CNNM4: variants seen among roughly 807,000 people sequenced by gnomAD.
CNNM4 encodes metal transporter CNNM4.
In CNNM4, 32 loss-of-function variants were observed where a neutral mutation model predicts 53.7. The observed-to-expected ratio is 0.60, with a 90% CI of 0.45 to 0.80. The LOEUF (loss-of-function observed/expected upper bound fraction) is 0.80, where lower values mean the gene tolerates loss of function less well. Among genes scored for constraint, CNNM4 ranks in the 30% least tolerant of loss-of-function variants. The pLI, the probability that CNNM4 is intolerant of heterozygous loss-of-function variation, is 0.00. For synonymous variants in CNNM4, 410 were observed against 440.0 expected, an observed-to-expected ratio of 0.93 and a Z score of 0.85; for missense variants, 784 against 1,022.0, an observed-to-expected ratio of 0.77 and a Z score of 3.17.
In CNNM4 at chr2:96,762,226, G is replaced by A. The variant is rs1332987185; in HGVS notation, c.1227G>A (p.Pro409=). The change falls in exon 1 of 7, where the codon CCG becomes CCA. Residue 409 remains proline, a synonymous_variant. Coordinates refer to ENST00000377075, the MANE Select transcript of CNNM4 (RefSeq NM_020184.4). ...EIMESGYTRI[P]VFEDEQSNIV... ...TGGAAAGCGGCTATACTCGCATCCC[G>A]GTGTTCGAAGACGAGCAGTCCAATA... The A allele has an allele frequency of 3.1e-6, 5 of 1,613,994 alleles. No homozygotes were observed. The African/African-American group carries it at 5.3e-5, about 17-fold the overall frequency.
rs1274333673 is a variant in CNNM4, at chr2:96,797,110, G to A, written c.1501G>A (p.Glu501Lys). 5 of 1,614,076 alleles carry A rather than the reference G, an allele frequency of 3.1e-6. No homozygotes were observed. The highest frequency in any genetic ancestry group is 2.2e-5 in the East Asian group (1 of 44,892). Residue 501 changes from glutamate to lysine, a missense_variant, in exon 2 of 7, where the codon GAG (glutamate) becomes AAG (lysine). By Grantham distance (56) the Glu-to-Lys change is moderately conservative (BLOSUM62 1). Coordinates refer to ENST00000377075, the MANE Select transcript of CNNM4 (RefSeq NM_020184.4). This position sits in a 1 kb window ranked among gnomAD's most constrained non-coding sequence, Gnocchi z 6.0. ...LGLVTLEDVI[E>K]EIIKSEILDE... ...CCTGGTCACCCTGGAGGACGTGATCGAGGAGATCATCAAGTCGGAGATCCT... is the reference window on the plus strand; with the variant it reads ...CCTGGTCACCCTGGAGGACGTGATCAAGGAGATCATCAAGTCGGAGATCCT...
Position 96,787,003 on chromosome 2 carries a change from T to C in CNNM4, c.1403-10009T>C, listed in dbSNP as rs116496046. ...CAGCAGTCCTTCCTACTCTACTGTT[T>C]TGGAACTTTTTACTTTACACAAATA... On this transcript the variant is annotated intron_variant, in intron 1 of 6. Coordinates refer to ENST00000377075, the MANE Select transcript of CNNM4 (RefSeq NM_020184.4). Among the ~76,000 whole-genome samples, 356 of 152,310 alleles carry C rather than the reference T, an allele frequency of 2.3e-3. 2 individuals carry two copies. The highest frequency in any genetic ancestry group is 8.2e-3 in the African/African-American group (339 of 41,568).
intron 3 of CNNM4, among the ~76,000 whole-genome samples, chr2:96,798,509 T>G (rs2079126446): frequency 6.6e-6 from 1 of 152,186 alleles, no homozygotes; most frequent in Non-Finnish European, 1.5e-5. Flanking sequence ...AAAGCTCCAC[T>G]GGGGACTTGG....
At chr2:96,805,843 ACTT>A (rs1028447059) in intron 5 of CNNM4, among the ~76,000 whole-genome samples, 4 of 150,310 alleles carry the variant, frequency 2.7e-5, no homozygotes, top group Non-Finnish European at 4.4e-5. Flanking sequence ...TCCCATGTCT[ACTT>A]CTTTCCACAC....
Position 96,809,327 on chromosome 2 carries a change from G to T in CNNM4, c.2138G>T (p.Arg713Leu). The change falls in exon 7 of 7, where the codon CGG becomes CTG. Residue 713 changes from arginine (R) to leucine (L), a missense_variant. Arg to Leu is a moderately radical substitution (Grantham distance 102). Transcript: ENST00000377075. The stretch of plus-strand genomic sequence containing the variant: ...CATCCCTTCCTCATGCAGATCACTC[G>T]GCAGCAGTACCAGAACGGGCTGCTG... ...LVDLQYIKIT[R>L]QQYQNGLLAS... is the part of the protein sequence containing the mutation. 2 of 1,614,016 alleles carry T rather than the reference G, an allele frequency of 1.2e-6. No individual in the cohort carries two copies. Among genetic ancestry groups the T allele is most frequent in the Non-Finnish European group, 8.5e-7 (1 of 1,180,000 alleles).
chr2:96,799,685 C>T (rs1278262903), intron 5 of CNNM4, 37 bp downstream of exon 5: 2 of 1,466,196 alleles, frequency 1.4e-6, no homozygotes, highest in African/African-American at 1.4e-5. Flanking sequence ...GCCCTTTGGC[C>T]CCCCTGCAGC....
chr2:96,791,349 C>T (rs924866360), intron 1 of CNNM4, among the ~76,000 whole-genome samples: 3 of 151,332 alleles, frequency 2.0e-5, no homozygotes, highest in Non-Finnish European at 4.4e-5. Context: ...GGGGTGGCAT[C>T]GGCTGGGTAC....
In CNNM4 at chr2:96,761,633, A is replaced by G; in HGVS notation, c.634A>G (p.Met212Val). 1 of 1,613,676 alleles carries G rather than the reference A, an allele frequency of 6.2e-7. No individual in the cohort carries two copies. The highest frequency in any genetic ancestry group is 8.5e-7 in the Non-Finnish European group (1 of 1,179,978). ...CCTCGGGCTTATGGCCCTGGACCCC[A>G]TGGAGCTGCGCATCGTGCAGAACTG... The part of the protein sequence containing the change: ...LNLGLMALDP[M>V]ELRIVQNCGT... Residue 212 changes from methionine (M) to valine (V), a missense_variant, in exon 1 of 7, where the codon ATG (methionine) becomes GTG (valine). Physicochemically the swap from Met to Val is conservative, Grantham distance 21. Around this residue, in one of 3 missense-constraint regions of CNNM4, gnomAD observed 473 missense variants for 624.6 expected, o/e 0.76. Coordinates refer to ENST00000377075, the MANE Select transcript of CNNM4 (RefSeq NM_020184.4). This position sits in a 1 kb window ranked among gnomAD's most constrained non-coding sequence, Gnocchi z 6.0.
chr2:96,780,529 G>T (rs1237889337), intron 1 of CNNM4, among the ~76,000 whole-genome samples: 1 of 151,756 alleles, frequency 6.6e-6, no homozygotes, highest in East Asian at 1.9e-4. Context: ...CAAATTGCTG[G>T]GATTACAGGC....
At position 96,808,830 on chromosome 2, in the gene CNNM4, G is replaced by C; in HGVS notation, c.2130+88G>C. ...TCATCCACCAAACCCAGCATGGTGGGCCCAAACCCGAGATGCCTTTTTCTT... is the reference window on the plus strand; with the variant it reads ...TCATCCACCAAACCCAGCATGGTGGCCCCAAACCCGAGATGCCTTTTTCTT... On this transcript the variant is annotated intron_variant, in intron 6 of 6. Transcript: ENST00000377075. The surrounding 1 kb of genome is among the most constrained non-coding windows in gnomAD (Gnocchi z 4.9). 7.4e-7 allele frequency: 1 copy of C among 1,348,474 alleles called. No individual in the cohort carries two copies. The highest frequency in any genetic ancestry group is 1.4e-5 in the African/African-American group (1 of 69,858). The allele number at this position is 1,348,474 out of a possible 1,614,324, so 83.5% of individuals were successfully genotyped here. A position where few individuals can be genotyped will look rare whatever the true frequency, so the allele number is the denominator to read the frequency against.
At chr2:96,795,399 C>T (rs745659846) in intron 1 of CNNM4, among the ~76,000 whole-genome samples, 18 of 152,258 alleles carry the variant, frequency 1.2e-4, no homozygotes, top group East Asian at 3.9e-4. Context: ...TCTAGCAAGA[C>T]GCTAAATGTT....
chr2:96,769,084 T>C (rs909541572), intron 1 of CNNM4, among the ~76,000 whole-genome samples: 6 of 152,170 alleles, frequency 3.9e-5, no homozygotes, highest in Middle Eastern at 6.8e-3. Context: ...ACCCTGTCTC[T>C]ACTAAAAATA....
intron 5 of CNNM4, among the ~76,000 whole-genome samples, chr2:96,802,890 C>T (rs1046919997): frequency 4.6e-5 from 7 of 152,104 alleles, no homozygotes; most frequent in Admixed American, 1.3e-4. Context: ...GCAACCAGGC[C>T]GCAGAGGGCA....
intron 1 of CNNM4, chr2:96,788,799 G>C (rs2079036314): frequency 6.6e-6 from 1 of 152,024 alleles, no homozygotes; most frequent in South Asian, 2.1e-4. Flanking sequence ...GAGACTCATT[G>C]AGTAAGATGC....
intron 5 of CNNM4, among the ~76,000 whole-genome samples, chr2:96,806,535 A>ACACACACACGCGCG (rs374638753): frequency 1.4e-4 from 17 of 123,944 alleles, no homozygotes; most frequent in Admixed American, 1.2e-3. Context: ...ACACACACAC[A>ACACACACACGCGCG]CGCGCGCGCG....
intron 1 of CNNM4, among the ~76,000 whole-genome samples, chr2:96,765,797 C>CT (rs749321221): frequency 1.1e-3 from 143 of 125,344 alleles, no homozygotes; most frequent in East Asian, 1.9e-3. Context: ...TTCTTTCTTT[C>CT]TTTTTTTTTT....
chr2:96,775,152 A>G (rs2078913614), intron 1 of CNNM4, among the ~76,000 whole-genome samples: 1 of 152,048 alleles, frequency 6.6e-6, no homozygotes, highest in East Asian at 1.9e-4. Context: ...GCTTTTCACA[A>G]AACAAACACC....
intron 1 of CNNM4, among the ~76,000 whole-genome samples, chr2:96,774,297 C>T (rs2078904837): frequency 6.6e-6 from 1 of 152,124 alleles, no homozygotes; most frequent in Non-Finnish European, 1.5e-5. Context: ...CCTTGGAGCC[C>T]CATCTTGCCT....
chr2:96,784,694 C>G (rs1224172824), intron 1 of CNNM4, among the ~76,000 whole-genome samples: 3 of 152,300 alleles, frequency 2.0e-5, no homozygotes, highest in South Asian at 2.1e-4. Context: ...AGCCTGATCA[C>G]CCCTTGGGGT....
Sources: gnomAD v4.1 joint callset for allele counts (sites outside exome capture counted in the v4.1 genomes callset) on GRCh38, gnomAD v4.1.1 for gene constraint, gnomAD v4.1.1 regional missense constraint, Gnocchi (gnomAD v3.1) non-coding constraint, MANE v1.5 for transcripts, NCBI Gene and HGNC (gene_info 2026-07-23, HGNC 2026-07-21) for gene names.